The following LCORL variants were observed in gnomAD, a reference collection of about 807,000 sequenced individuals.
LCORL encodes ligand-dependent nuclear receptor corepressor-like protein.
LCORL carries 41 observed loss-of-function variants against 141.8 expected under a neutral mutation model. That is an observed-to-expected ratio of 0.29 (90% CI 0.23 to 0.38). LCORL has a LOEUF of 0.38. Among genes scored for constraint, LCORL ranks in the 10% least tolerant of loss-of-function variants. The probability of loss-of-function intolerance (pLI) is 1.00; values close to 1 mark genes in which losing one functional copy is unlikely to be tolerated. For missense variants in LCORL, 1,759 were observed against 2,035.0 expected (o/e 0.86, Z 2.61); for synonymous variants, 618 against 694.1 (o/e 0.89, Z 1.72).
At chr4:17,988,892 G>C (rs1283131666) in intron 1 of LCORL, among the ~76,000 whole-genome samples, 3 of 152,152 alleles carry the variant, frequency 2.0e-5, no homozygotes, top group Non-Finnish European at 2.9e-5. Context: ...GGCAAGGCAG[G>C]AGAATCGTTT....
At chr4:17,843,644 C>A (rs1450190934) in exon 8 of LCORL, 2 of 375,768 alleles carry the variant, frequency 5.3e-6, no homozygotes, top group Non-Finnish European at 1.0e-5. Flanking sequence ...AGATTTATCA[C>A]AATCTGAGGT....
chr4:18,000,177 A>T, intron 1 of LCORL, among the ~76,000 whole-genome samples: 1 of 146,446 alleles, frequency 6.8e-6, no homozygotes, highest in African/African-American at 2.6e-5. Context: ...AAATTCATTC[A>T]CTCAACAAAT....
At chr4:17,995,086 T>A (rs1022519848) in intron 1 of LCORL, among the ~76,000 whole-genome samples, 2 of 152,188 alleles carry the variant, frequency 1.3e-5, no homozygotes, top group Non-Finnish European at 2.9e-5. Flanking sequence ...ACAGCCACAG[T>A]GCCATATTTA....
At chr4:17,937,684 C>T (rs1316431053) in intron 4 of LCORL, among the ~76,000 whole-genome samples, 3 of 152,042 alleles carry the variant, frequency 2.0e-5, no homozygotes, top group East Asian at 1.9e-4. Context: ...CAGCATGCAC[C>T]CTTGCCCCCA....
At chr4:17,893,320 T>C in intron 5 of LCORL, 1 of 884,062 alleles carries the variant, frequency 1.1e-6, no homozygotes, top group Non-Finnish European at 1.4e-6. Context: ...GAATGTTTAT[T>C]TATATATACA....
At chr4:17,908,750 G>A (rs538714943) in intron 5 of LCORL, among the ~76,000 whole-genome samples, 8 of 151,834 alleles carry the variant, frequency 5.3e-5, no homozygotes, top group East Asian at 1.9e-4. Flanking sequence ...CAAAAAAAAC[G>A]AACAAGCAAG....
exon 2 of LCORL, chr4:17,972,833 G>A (rs868494297): frequency 3.5e-6 from 5 of 1,432,090 alleles, no homozygotes; most frequent in South Asian, 1.6e-5. Context: ...CAAATAAACT[G>A]AGGTCTCTTC....
intron 5 of LCORL, among the ~76,000 whole-genome samples, chr4:17,886,624 T>C (rs1222207569): frequency 6.6e-6 from 1 of 152,054 alleles, no homozygotes; most frequent in South Asian, 2.1e-4. Context: ...AAAGGTAAAC[T>C]GTGGCTGTAC....
At chr4:17,893,602 G>A in intron 5 of LCORL, 1 of 985,156 alleles carries the variant, frequency 1.0e-6, no homozygotes, top group South Asian at 4.7e-5. Context: ...AAGAATACAG[G>A]AAAATTGTTA....
At chr4:17,867,707 A>G (rs1725849994) in intron 7 of LCORL, among the ~76,000 whole-genome samples, 1 of 152,214 alleles carries the variant, frequency 6.6e-6, no homozygotes, top group South Asian at 2.1e-4. Context: ...AAAGTATCCA[A>G]TGTTTGTTAA....
At chr4:17,863,513 T>C (rs914663645) in intron 7 of LCORL, among the ~76,000 whole-genome samples, 6 of 152,156 alleles carry the variant, frequency 3.9e-5, no homozygotes, top group Non-Finnish European at 8.8e-5. Context: ...GGCAAGGTTG[T>C]GGAGAAAAGG....
chr4:17,967,098 C>T (rs78978899), intron 2 of LCORL, among the ~76,000 whole-genome samples: 5,106 of 152,100 alleles, frequency 0.034, 280 homozygotes, highest in African/African-American at 0.12. Flanking sequence ...AAGAAACAGA[C>T]ATGAAAAGTA....
intron 4 of LCORL, among the ~76,000 whole-genome samples, chr4:17,918,052 A>G (rs2109360891): frequency 6.6e-6 from 1 of 152,360 alleles, no homozygotes; most frequent in South Asian, 2.1e-4. Context: ...AAACACTGAG[A>G]GTCTTACGAT....
chr4:17,909,918 T>C (rs1463371541), intron 4 of LCORL, among the ~76,000 whole-genome samples: 3 of 152,142 alleles, frequency 2.0e-5, no homozygotes, highest in African/African-American at 7.2e-5. Context: ...TACAATGACA[T>C]AGCTTCCACT....
At chr4:17,897,213 C>CTTTTTTTTTTTTTTTTTTTTTTTTTT (rs761784734) in intron 5 of LCORL, among the ~76,000 whole-genome samples, 1 of 63,996 alleles carries the variant, frequency 1.6e-5, no homozygotes, top group African/African-American at 5.8e-5. Context: ...ATACTGATTT[C>CTTTTTTTTTTTTTTTTTTTTTTTTTT]TTTTTTTTTT....
At chr4:17,950,024 T>C (rs1012547677) in intron 4 of LCORL, among the ~76,000 whole-genome samples, 3 of 152,154 alleles carry the variant, frequency 2.0e-5, no homozygotes, top group Non-Finnish European at 4.4e-5. Context: ...CCTCAATTTT[T>C]TTTTAGACAA....
intron 4 of LCORL, among the ~76,000 whole-genome samples, chr4:17,929,786 T>G (rs1026748508): frequency 6.6e-6 from 1 of 152,128 alleles, no homozygotes; most frequent in Non-Finnish European, 1.5e-5. Context: ...ATTAAAAATT[T>G]TAAGCTTCAA....
At chr4:17,998,648 T>A (rs1335697142) in intron 1 of LCORL, among the ~76,000 whole-genome samples, 3 of 152,144 alleles carry the variant, frequency 2.0e-5, no homozygotes, top group East Asian at 1.9e-4. Flanking sequence ...AAGGACTTTT[T>A]TTTCTAAATT....
At chr4:18,012,958 A>C (rs1724041818) in intron 1 of LCORL, among the ~76,000 whole-genome samples, 1 of 152,184 alleles carries the variant, frequency 6.6e-6, no homozygotes, top group Non-Finnish European at 1.5e-5. Flanking sequence ...TATAGCTCTT[A>C]AATTAGTTTA....
Sources: allele counts gnomAD v4.1 joint callset (sites outside exome capture counted in the v4.1 genomes callset), GRCh38; gene constraint gnomAD v4.1.1; transcripts MANE v1.5; gene names NCBI Gene and HGNC (gene_info 2026-07-23, HGNC 2026-07-21).